Variants in GOLGA3 observed in about 807,000 individuals in gnomAD.
GOLGA3 encodes the protein golgin A3.
GOLGA3 carries 75 observed loss-of-function variants against 169.4 expected under a neutral mutation model. That is an observed-to-expected ratio of 0.44 (90% confidence interval 0.37 to 0.54). GOLGA3 has a LOEUF of 0.54. Ranked by LOEUF, GOLGA3 falls within the 20% of genes least tolerant of loss-of-function variation. The probability of loss-of-function intolerance (pLI) is 0.00; values close to 1 mark genes in which losing one functional copy is unlikely to be tolerated. For missense variants in GOLGA3, 1,899 were observed against 1,930.0 expected (o/e 0.98, Z 0.30); for synonymous variants, 824 against 822.4 (o/e 1.00, Z -0.03).
Position 132,782,399 on chromosome 12 carries a change from A to C in GOLGA3, c.3362T>G (p.Leu1121Arg), listed in dbSNP as rs79085716. 2.4e-4 allele frequency: 386 copies of C among 1,614,218 alleles called. 4 individuals carry two copies. In the East Asian group the frequency reaches 8.6e-3, roughly 36 times the overall value. ...TGCGTTGGACTGACCGAGGCCCGTA[A>C]GCTTCCCTTTCTCGTGCTCTAATTC... ...ALELEHEKGK[L>R]TGLGQSNAAL... is the part of the protein sequence containing the mutation. Residue 1121 changes from leucine to arginine, a missense_variant, in exon 17 of 24, where the codon CTT (leucine) becomes CGT (arginine). Physicochemically the swap from Leu to Arg is moderately radical, Grantham distance 102. Coordinates refer to ENST00000450791, the MANE Select transcript of GOLGA3 (RefSeq NM_001389683.1).
Position 132,808,150 on chromosome 12 carries a change from C to T in GOLGA3, c.919G>A (p.Val307Met), listed in dbSNP as rs199695276. The T allele has an allele frequency of 1.4e-5, 22 of 1,611,820 alleles. No individual in the cohort carries two copies. In the African/African-American group the frequency reaches 2.7e-4, roughly 20 times the overall value. ...LENTSLAGDS[V>M]SEVDGNDSDS... Reference sequence around the variant, plus strand: ...CTGTCATTTCCATCCACCTCAGACACGCTGTCTCCAGCCAGGGAGGTGTTC... The same window carrying T: ...CTGTCATTTCCATCCACCTCAGACATGCTGTCTCCAGCCAGGGAGGTGTTC... The change falls in exon 5 of 24, where the codon GTG becomes ATG. Residue 307 changes from valine to methionine, a missense_variant. Val to Met is a conservative substitution (Grantham distance 21). Coordinates refer to ENST00000450791, the MANE Select transcript of GOLGA3 (RefSeq NM_001389683.1).
intron 3 of GOLGA3, among the ~76,000 whole-genome samples, chr12:132,814,139 C>G (rs75343869): frequency 6.6e-6 from 1 of 151,568 alleles, no homozygotes; most frequent in Non-Finnish European, 1.5e-5. Flanking sequence ...ATTCTCCTGC[C>G]ACAGCCTCCT....
rs544694075 is a variant in GOLGA3 at position 132,790,138 on chromosome 12, T to C, written c.2548-848A>G. 7.9e-5 allele frequency among the ~76,000 whole-genome samples: 12 copies of C among 152,090 alleles called. No individual in the cohort carries two copies. The South Asian group carries it at 2.3e-3, about 29-fold the overall frequency. ...CGAGGTCAGGAGATTGAGACCATCC[T>C]GGCTAACACGGTGAAACCCCGTCTC... On this transcript the variant is annotated intron_variant, in intron 12 of 23. Coordinates refer to ENST00000450791, the MANE Select transcript of GOLGA3 (RefSeq NM_001389683.1).
chr12:132,792,956 A>G (rs1433841991), intron 11 of GOLGA3, among the ~76,000 whole-genome samples: 3 of 136,448 alleles, frequency 2.2e-5, no homozygotes, highest in African/African-American at 8.5e-5. Context: ...AGGGCTCCAC[A>G]CAGACCCACC....
chr12:132,782,350 G>A lies in GOLGA3; in HGVS notation c.3411C>T (p.Ile1137=), dbSNP rs886256179. The A allele has an allele frequency of 6.2e-7, 1 of 1,614,116 alleles. No individual in the cohort carries two copies. Among genetic ancestry groups the A allele is most frequent in the Non-Finnish European group, 8.5e-7 (1 of 1,180,050 alleles). ...SNAALREHNS[I]LETALAKREA... is the part of the protein sequence containing the mutation. ...CCCTCTTGGCCAAAGCTGTTTCTAG[G>A]ATGCTGTTGTGTTCCCGCAGAGCTG... The change falls in exon 17 of 24, where the codon ATC becomes ATT. Residue 1137 remains isoleucine (I), a synonymous_variant. Transcript: ENST00000450791.
intron 17 of GOLGA3, among the ~76,000 whole-genome samples, chr12:132,781,974 A>G (rs1406569098): frequency 1.3e-5 from 2 of 151,946 alleles, no homozygotes; most frequent in African/African-American, 2.4e-5. Context: ...TCTGCCCCTC[A>G]ACTAAACAGG....
chr12:132,805,847 A>G (rs1055609432), intron 6 of GOLGA3, among the ~76,000 whole-genome samples: 1 of 152,242 alleles, frequency 6.6e-6, no homozygotes. Flanking sequence ...ATGCGCACAC[A>G]CACAGAATGC....
At chr12:132,780,208 A>G (rs1443646766) in intron 18 of GOLGA3, among the ~76,000 whole-genome samples, 3 of 150,532 alleles carry the variant, frequency 2.0e-5, no homozygotes, top group Admixed American at 6.6e-5. Context: ...CCCCAGGCAC[A>G]CGTGCACGCA....
intron 7 of GOLGA3, among the ~76,000 whole-genome samples, chr12:132,803,601 T>C (rs192740381): frequency 3.3e-5 from 5 of 152,296 alleles, no homozygotes; most frequent in Admixed American, 3.3e-4. Flanking sequence ...TCCTAAGGGA[T>C]TGGGTATCAC....
At position 132,774,225 on chromosome 12, in the gene GOLGA3, C is replaced by T; in HGVS notation, c.4239G>A (p.Leu1413=). The change falls in exon 23 of 24, where the codon CTG becomes CTA. Residue 1413 remains leucine (L), a synonymous_variant. Coordinates refer to ENST00000450791, the MANE Select transcript of GOLGA3 (RefSeq NM_001389683.1). The part of the protein sequence containing the change: ...CPVPASLLEE[L]LRPPPAVSKE... ...TGCTCACGGCGGGCGGTGGTCTCAG[C>T]AGCTCCTCCAGCAGCGAGGCGGGAA... The T allele has an allele frequency of 1.2e-6, 2 of 1,611,520 alleles. No individual in the cohort carries two copies. The highest frequency in any genetic ancestry group is 8.5e-7 in the Non-Finnish European group (1 of 1,179,666).
At position 132,791,953 on chromosome 12, in the gene GOLGA3, G is replaced by A. The variant is rs140322817; in HGVS notation, c.2470-660C>T. ...CAGAGTTGTTACACTGAGGACTATAGGAGGGGAATGTGTCTGCACAGATGT... is the reference window on the plus strand; with the variant it reads ...CAGAGTTGTTACACTGAGGACTATAAGAGGGGAATGTGTCTGCACAGATGT... On this transcript the variant is annotated intron_variant, in intron 11 of 23. Coordinates refer to ENST00000450791, the MANE Select transcript of GOLGA3 (RefSeq NM_001389683.1). 1.4e-3 allele frequency among the ~76,000 whole-genome samples: 197 copies of A among 137,596 alleles called. 9 individuals are homozygous for A. The East Asian group carries it at 0.04, about 28-fold the overall frequency. 90.3% of individuals were successfully genotyped at this position (137,596 alleles called of 152,430 possible).
intron 11 of GOLGA3, among the ~76,000 whole-genome samples, chr12:132,794,185 C>A (rs1948701501): frequency 6.6e-6 from 1 of 152,152 alleles, no homozygotes; most frequent in Non-Finnish European, 1.5e-5. Flanking sequence ...CCTCAGCCCC[C>A]ACGTGGATAC....
intron 16 of GOLGA3, among the ~76,000 whole-genome samples, chr12:132,783,179 G>A (rs1209883750): frequency 3.1e-5 from 4 of 129,802 alleles, no homozygotes; most frequent in South Asian, 2.7e-4. Context: ...GACAGAGTGA[G>A]ACTCTGTCTC....
chr12:132,795,190 A>AG (rs1050248553), intron 11 of GOLGA3, among the ~76,000 whole-genome samples: 4 of 151,854 alleles, frequency 2.6e-5, no homozygotes, highest in Admixed American at 6.6e-5. Context: ...CATCTCAAAA[A>AG]AAAAAAAAAA....
intron 15 of GOLGA3, among the ~76,000 whole-genome samples, chr12:132,784,691 C>T (rs971723575): frequency 5.9e-5 from 9 of 151,484 alleles, no homozygotes; most frequent in African/African-American, 2.2e-4. Context: ...ACACCACGTG[C>T]ACATGTTCAC....
At chr12:132,794,220 T>G (rs1948705162) in intron 11 of GOLGA3, among the ~76,000 whole-genome samples, 1 of 151,484 alleles carries the variant, frequency 6.6e-6, no homozygotes, top group Non-Finnish European at 1.5e-5. Flanking sequence ...GCCTAGGGAA[T>G]GCAGTGGCTC....
intron 2 of GOLGA3, among the ~76,000 whole-genome samples, chr12:132,819,346 G>T (rs929108118): frequency 1.3e-5 from 2 of 151,860 alleles, no homozygotes. Flanking sequence ...TGGCTAACAC[G>T]GCGAAACCCC....
intron 1 of GOLGA3, chr12:132,825,686 T>C (rs1950381233): frequency 1.8e-6 from 2 of 1,100,894 alleles, no homozygotes. Context: ...GCACCTTTTT[T>C]CAGTGGCCGG....
At chr12:132,821,950 A>G in intron 2 of GOLGA3, 46 bp downstream of exon 2, 1 of 1,321,160 alleles carries the variant, frequency 7.6e-7, no homozygotes, top group Non-Finnish European at 1.0e-6. Context: ...CTCCCTCAAC[A>G]CCAGGTCCTC....
Sources: allele counts gnomAD v4.1 joint callset (sites outside exome capture counted in the v4.1 genomes callset), GRCh38; gene constraint gnomAD v4.1.1; transcripts MANE v1.5; gene names NCBI Gene and HGNC (gene_info 2026-07-23, HGNC 2026-07-21).